UBE2D3: variants seen among roughly 807,000 people sequenced by gnomAD.
The protein encoded by UBE2D3 is ubiquitin-conjugating enzyme E2 D3.
UBE2D3 carries 2 observed loss-of-function variants against 22.8 expected under a neutral mutation model. The ratio of observed to expected loss-of-function variants is 0.09; its 90% CI spans 0.04 to 0.28. The LOEUF is 0.28. Among genes scored for constraint, UBE2D3 ranks in the 10% least tolerant of loss-of-function variants. UBE2D3 has a pLI of 1.00. For missense variants in UBE2D3, 27 were observed against 182.5 expected, an observed-to-expected ratio of 0.15 and a Z score of 4.91; for synonymous variants, 56 against 60.4, an observed-to-expected ratio of 0.93 and a Z score of 0.34.
intron 2 of UBE2D3, chr4:102,825,674 G>T: frequency 1.1e-6 from 1 of 872,330 alleles, no homozygotes; most frequent in Non-Finnish European, 1.6e-6. Flanking sequence ...CACATTTCAA[G>T]TAACGAAACA....
At chr4:102,854,138 C>T (rs1039229205) in intron 1 of UBE2D3, among the ~76,000 whole-genome samples, 2 of 151,896 alleles carry the variant, frequency 1.3e-5, no homozygotes, top group African/African-American at 4.8e-5. Context: ...TTGCTTGTTC[C>T]CTTGATGTGA....
intron 2 of UBE2D3, among the ~76,000 whole-genome samples, chr4:102,818,997 ACAT>A (rs1729160056): frequency 6.6e-6 from 1 of 152,150 alleles, no homozygotes; most frequent in African/African-American, 2.4e-5. Flanking sequence ...GGTATTGAAA[ACAT>A]TAAAGACCTG....
At chr4:102,868,576 A>C in intron 1 of UBE2D3, 1 of 1,011,842 alleles carries the variant, frequency 9.9e-7, no homozygotes, top group South Asian at 1.3e-5. Context: ...CTTTGGGTGA[A>C]GGAGTAAAAT....
chr4:102,864,161 C>A (rs1733038100), intron 1 of UBE2D3, among the ~76,000 whole-genome samples: 1 of 152,038 alleles, frequency 6.6e-6, no homozygotes, highest in Non-Finnish European at 1.5e-5. Flanking sequence ...TAGGTATTAC[C>A]TACATTTTTA....
At chr4:102,859,086 G>A (rs1578299491) in intron 1 of UBE2D3, among the ~76,000 whole-genome samples, 2 of 151,888 alleles carry the variant, frequency 1.3e-5, no homozygotes, top group South Asian at 2.1e-4. Context: ...AGCATTTCTT[G>A]TGAGGCAGGT....
At chr4:102,825,764 A>T (rs935489913) in intron 2 of UBE2D3, 64 of 468,004 alleles carry the variant, frequency 1.4e-4, no homozygotes, top group Admixed American at 1.3e-3. Flanking sequence ...ATCCACCCCC[A>T]CTCTCCAGCC....
intron 1 of UBE2D3, among the ~76,000 whole-genome samples, chr4:102,840,744 G>A (rs13114720): frequency 6.6e-6 from 1 of 152,174 alleles, no homozygotes; most frequent in South Asian, 2.1e-4. Context: ...CCAGCACTTA[G>A]AAATGAGAAA....
chr4:102,810,017 A>G, intron 2 of UBE2D3, 162 bp from the exon 3 acceptor site: 6 of 644,630 alleles, frequency 9.3e-6, no homozygotes, highest in African/African-American at 1.8e-5. Flanking sequence ...ATGCCTGAAC[A>G]TATGCTGAGA....
chr4:102,803,607 A>AT (rs1233618437), intron 4 of UBE2D3, among the ~76,000 whole-genome samples: 15 of 152,034 alleles, frequency 9.9e-5, no homozygotes, highest in Non-Finnish European at 1.5e-4. Flanking sequence ...CCAAAGAACA[A>AT]TTTTTTTTAT....
At chr4:102,816,400 A>T (rs3974625) in intron 2 of UBE2D3, among the ~76,000 whole-genome samples, 2,727 of 152,274 alleles carry the variant, frequency 0.018, 75 homozygotes, top group African/African-American at 0.06. Context: ...AGCTAAAGAG[A>T]CCATATTCAA....
Position 102,825,626 on chromosome 4 carries a change from G to GT in UBE2D3, c.24+858dup, listed in dbSNP as rs3841974. On this transcript the variant is annotated intron_variant, in intron 2 of 7. Coordinates refer to ENST00000453744, the MANE Select transcript of UBE2D3 (RefSeq NM_181891.3). ...ACTCCCAGAGCTCCGAAAAATCCTA[G>GT]TTTTTTTTCAACTTAAATCGATAAT... is the stretch of plus-strand genomic sequence containing the variant. The GT allele has an allele frequency of 6.0e-3, 7,120 of 1,184,528 alleles. 286 individuals are homozygous for GT. In the East Asian group the frequency reaches 0.14, roughly 24 times the overall value. 73.4% of individuals were successfully genotyped at this position (1,184,528 alleles called of 1,614,324 possible). A position where few individuals can be genotyped will look rare whatever the true frequency, so the allele number is the denominator to read the frequency against.
chr4:102,800,173 G>C (rs1725921632), intron 6 of UBE2D3, among the ~76,000 whole-genome samples: 1 of 151,952 alleles, frequency 6.6e-6, no homozygotes, highest in Admixed American at 6.6e-5. Context: ...ACCATATATG[G>C]TGGTGCTGTT....
In UBE2D3 at chr4:102,827,490, TC is replaced by T. The variant is rs1223476582; in HGVS notation, c.-193del. Reference sequence around the variant, plus strand: ...TCCTCCCCGCGCGGCAGCTGGTGCCTCCCCGGCCCTACGGGGCTCACGCGCA... The same window carrying T: ...TCCTCCCCGCGCGGCAGCTGGTGCCTCCCGGCCCTACGGGGCTCACGCGCA... On this transcript the variant is annotated 5_prime_UTR_variant, in exon 1 of 8. Coordinates refer to ENST00000453744, the MANE Select transcript of UBE2D3 (RefSeq NM_181891.3). The T allele has an allele frequency of 1.3e-5, 13 of 985,800 alleles. No homozygotes were observed. The highest frequency in any genetic ancestry group is 3.5e-5 in the African/African-American group (2 of 57,106). The allele number at this position is 985,800 out of a possible 1,614,324, so 61.1% of individuals were successfully genotyped here. A position where few individuals can be genotyped will look rare whatever the true frequency, so the allele number is the denominator to read the frequency against.
chr4:102,806,112 G>T (rs77430661), intron 4 of UBE2D3, among the ~76,000 whole-genome samples: 2,286 of 152,154 alleles, frequency 0.015, 58 homozygotes, highest in African/African-American at 0.049. Context: ...TTACTCCCCT[G>T]CTTGAAATCT....
intron 2 of UBE2D3, chr4:102,810,312 C>T (rs1727746097): frequency 6.5e-6 from 1 of 152,694 alleles, no homozygotes; most frequent in Non-Finnish European, 1.5e-5. Flanking sequence ...ACCAAAAAAA[C>T]TCTCATGGGG....
chr4:102,853,672 A>G (rs183813734), intron 1 of UBE2D3, among the ~76,000 whole-genome samples: 91 of 152,332 alleles, frequency 6.0e-4, no homozygotes, highest in Non-Finnish European at 9.7e-4. Flanking sequence ...TAATAAAAGT[A>G]TTAATGGGAT....
intron 2 of UBE2D3, chr4:102,811,140 G>A (rs1296662806): frequency 6.6e-6 from 1 of 152,194 alleles, no homozygotes; most frequent in Non-Finnish European, 1.5e-5. Flanking sequence ...TTGAGCCCAG[G>A]AGTTTGACTG....
exon 1 of UBE2D3, chr4:102,868,861 T>G (rs896507968): frequency 6.6e-7 from 1 of 1,504,250 alleles, no homozygotes; most frequent in Non-Finnish European, 9.1e-7. Context: ...AGGGCCTCGC[T>G]ACCCGCCAGT....
intron 2 of UBE2D3, among the ~76,000 whole-genome samples, chr4:102,818,870 G>T (rs1729143115): frequency 6.6e-6 from 1 of 152,122 alleles, no homozygotes; most frequent in Admixed American, 6.5e-5. Context: ...TTTAACAGTT[G>T]ATTGTTGGAG....
Sources: gnomAD v4.1 joint callset for allele counts (sites outside exome capture counted in the v4.1 genomes callset) on GRCh38, gnomAD v4.1.1 for gene constraint, MANE v1.5 for transcripts, NCBI Gene and HGNC (gene_info 2026-07-23, HGNC 2026-07-21) for gene names.